The following RMDN2 variants were observed in gnomAD, a reference collection of about 807,000 sequenced individuals.
RMDN2 encodes the protein regulator of microtubule dynamics protein 2.
A neutral mutation model predicts 52.8 loss-of-function variants in RMDN2; 61 were observed. The observed-to-expected ratio is 1.16, with a 90% CI of 0.94 to 1.43. The LOEUF (loss-of-function observed/expected upper bound fraction) is 1.43, where lower values mean the gene tolerates loss of function less well. Ranked by LOEUF, RMDN2 falls within the 40% of genes most tolerant of loss-of-function variation. RMDN2 has a pLI of 0.00. For synonymous variants in RMDN2, 180 were observed against 153.1 expected (o/e 1.18, Z -1.30); for missense variants, 592 against 475.3 (o/e 1.25, Z -2.28).
At chr2:37,967,333 G>A (rs1671191886) in intron 2 of RMDN2, among the ~76,000 whole-genome samples, 1 of 152,198 alleles carries the variant, frequency 6.6e-6, no homozygotes, top group South Asian at 2.1e-4. Flanking sequence ...GAGCTTTCAA[G>A]AGAAATTATT....
At position 37,974,065 on chromosome 2, in the gene RMDN2, G is replaced by A. The variant is rs140735845; in HGVS notation, c.478G>A (p.Glu160Lys). 2 of 1,610,690 alleles carry A rather than the reference G, an allele frequency of 1.2e-6. No homozygotes were observed. Among genetic ancestry groups the A allele is most frequent in the Non-Finnish European group, 1.7e-6 (2 of 1,178,630 alleles). The change falls in exon 3 of 11, where the codon GAA becomes AAA. Residue 160 changes from glutamate (E) to lysine (K), a missense_variant. Coordinates refer to ENST00000354545, the MANE Select transcript of RMDN2 (RefSeq NM_001170791.3). ...GTATATTACAGCTAATACTGACACA[G>A]AAGAACAGAGTTTTCCAGTCCCTAA... Reference protein sequence around the residue: ...GGYITANTDTEEQSFPVPKAF... With the variant: ...GGYITANTDTKEQSFPVPKAF...
chr2:37,950,548 A>T (rs1668647374), intron 2 of RMDN2: 25 of 1,613,022 alleles, frequency 1.5e-5, no homozygotes, highest in Non-Finnish European at 2.0e-5. Context: ...CTAGAAGGGA[A>T]GGGAGAGACT....
rs1572666283 is a variant in RMDN2 at position 37,928,460 on chromosome 2, C to T, written c.-16-802C>T. On this transcript the variant is annotated intron_variant, in intron 1 of 10. Coordinates refer to ENST00000354545, the MANE Select transcript of RMDN2 (RefSeq NM_001170791.3). The stretch of plus-strand genomic sequence containing the variant: ...CAGAGGATGGTGAATTTCGGGTATA[C>T]AACCTAATTCAGAATTTTCATCTTA... Among the ~76,000 whole-genome samples the T allele has an allele frequency of 3.3e-5, 5 of 152,314 alleles. No homozygotes were observed. In the South Asian group the frequency reaches 1.0e-3, roughly 32 times the overall value.
intron 5 of RMDN2, among the ~76,000 whole-genome samples, chr2:37,984,708 G>T (rs947534750): frequency 6.6e-6 from 1 of 152,108 alleles, no homozygotes; most frequent in East Asian, 1.9e-4. Context: ...AATGATTAAG[G>T]ATATATTCAC....
intron 7 of RMDN2, 110 bp downstream of exon 7, chr2:37,991,407 A>G: frequency 2.4e-6 from 1 of 409,712 alleles, no homozygotes; most frequent in Non-Finnish European, 4.3e-6. Flanking sequence ...TTTAGGGAGA[A>G]TTATAATAGC....
chr2:38,064,357 G>C (rs62136339), intron 10 of RMDN2, among the ~76,000 whole-genome samples: 1 of 151,876 alleles, frequency 6.6e-6, no homozygotes, highest in African/African-American at 2.4e-5. Context: ...AGACATGGTG[G>C]TGTATGCCTG....
At chr2:37,947,665 T>C (rs1668332373) in intron 2 of RMDN2, among the ~76,000 whole-genome samples, 1 of 152,206 alleles carries the variant, frequency 6.6e-6, no homozygotes, top group African/African-American at 2.4e-5. Flanking sequence ...ATTAATGTAA[T>C]GAATTGAATA....
intron 2 of RMDN2, among the ~76,000 whole-genome samples, chr2:37,949,560 A>G (rs1349993427): frequency 6.6e-6 from 1 of 152,198 alleles, no homozygotes; most frequent in Non-Finnish European, 1.5e-5. Flanking sequence ...TCCATGATAC[A>G]GTAAGAGATT....
At chr2:38,065,468 G>A (rs1164267908) in intron 10 of RMDN2, among the ~76,000 whole-genome samples, 1 of 152,128 alleles carries the variant, frequency 6.6e-6, no homozygotes, top group South Asian at 2.1e-4. Context: ...AGTGCTGTTA[G>A]GCTTCTACTG....
At chr2:37,946,874 A>G (rs945649187) in intron 2 of RMDN2, among the ~76,000 whole-genome samples, 1 of 152,156 alleles carries the variant, frequency 6.6e-6, no homozygotes, top group African/African-American at 2.4e-5. Context: ...TAGTGTTGCT[A>G]GAATGCATAT....
chr2:37,928,506 C>T (rs1666464905), intron 1 of RMDN2, among the ~76,000 whole-genome samples: 1 of 152,206 alleles, frequency 6.6e-6, no homozygotes, highest in African/African-American at 2.4e-5. Context: ...TTCCCCAATT[C>T]ACACTCCCAG....
chr2:38,050,458 C>T (rs182683618), intron 10 of RMDN2, among the ~76,000 whole-genome samples: 1 of 152,188 alleles, frequency 6.6e-6, no homozygotes, highest in Admixed American at 6.5e-5. Context: ...GTCACTAGCC[C>T]ATCATATTTT....
intron 6 of RMDN2, among the ~76,000 whole-genome samples, chr2:37,990,206 G>A (rs1674590200): frequency 6.6e-6 from 1 of 150,564 alleles, no homozygotes; most frequent in African/African-American, 2.4e-5. Flanking sequence ...GAGTAGATGA[G>A]TATCACTTTT....
rs781728221 is a variant in RMDN2 at position 38,004,064 on chromosome 2, T to C, written c.1098+20T>C. On this transcript the variant is annotated intron_variant, in intron 9 of 10. Transcript: ENST00000354545. Reference sequence around the variant, plus strand: ...GCAAAGGTAATGAAGACCACTGTTCTGCTTTAAGATCACTTTGAACCTATC... The same window carrying C: ...GCAAAGGTAATGAAGACCACTGTTCCGCTTTAAGATCACTTTGAACCTATC... The C allele has an allele frequency of 6.2e-7, 1 of 1,609,354 alleles. No individual in the cohort carries two copies. Among genetic ancestry groups the C allele is most frequent in the African/African-American group, 1.3e-5 (1 of 74,834 alleles).
At chr2:38,013,968 C>G (rs920508711) in intron 10 of RMDN2, among the ~76,000 whole-genome samples, 9 of 151,960 alleles carry the variant, frequency 5.9e-5, no homozygotes, top group African/African-American at 2.2e-4. Context: ...GCACTTTGGG[C>G]GGCCGAGGCG....
upstream of RMDN2, among the ~76,000 whole-genome samples, chr2:37,921,492 T>C (rs1173993072): frequency 6.6e-6 from 1 of 152,238 alleles, no homozygotes; most frequent in East Asian, 1.9e-4. Context: ...TTAGAGGTTG[T>C]GGTAAACTGC....
chr2:37,939,503 C>T (rs1667596795), intron 2 of RMDN2, among the ~76,000 whole-genome samples: 1 of 152,036 alleles, frequency 6.6e-6, no homozygotes, highest in Admixed American at 6.6e-5. Context: ...TTAAATTCTC[C>T]CACTCTTATT....
At chr2:38,041,498 A>C (rs1680952542) in intron 10 of RMDN2, among the ~76,000 whole-genome samples, 1 of 134,582 alleles carries the variant, frequency 7.4e-6, no homozygotes, top group African/African-American at 2.8e-5. Flanking sequence ...GACTGGTGAG[A>C]GGAGACATAT....
intron 8 of RMDN2, chr2:38,002,854 T>A (rs1676501859): frequency 6.6e-6 from 1 of 152,268 alleles, no homozygotes; most frequent in Non-Finnish European, 1.5e-5. Context: ...TCCTCTTCTC[T>A]TGTGTTCTAC....
Sources: allele counts gnomAD v4.1 joint callset (sites outside exome capture counted in the v4.1 genomes callset), GRCh38; gene constraint gnomAD v4.1.1; transcripts MANE v1.5; gene names NCBI Gene and HGNC (gene_info 2026-07-23, HGNC 2026-07-21).